ACOX1: variants seen among roughly 807,000 people sequenced by gnomAD.
ACOX1 encodes peroxisomal acyl-coenzyme A oxidase 1.
ACOX1 carries 41 observed loss-of-function variants against 75.5 expected under a neutral mutation model. That is an observed-to-expected ratio of 0.54 (90% CI 0.42 to 0.70). ACOX1 has a LOEUF of 0.70. Ranked by LOEUF, ACOX1 falls within the 30% of genes least tolerant of loss-of-function variation. The pLI is 0.00. For synonymous variants in ACOX1, 303 were observed against 298.8 expected (o/e 1.01, Z -0.15); for missense variants, 630 against 837.5 (o/e 0.75, Z 3.06).
At position 75,942,792 on chromosome 17, in the gene ACOX1, G is replaced by C. The variant is rs1266243267; in HGVS notation, c.*3956C>G. The C allele has an allele frequency of 6.6e-6, 1 of 152,276 alleles. No individual in the cohort carries two copies. Among genetic ancestry groups the C allele is most frequent in the East Asian group, 1.9e-4 (1 of 5,180 alleles). 9.4% of individuals were successfully genotyped at this position (152,276 alleles called of 1,614,324 possible). On this transcript the variant is annotated 3_prime_UTR_variant, in exon 14 of 14. Transcript: ENST00000293217. The stretch of plus-strand genomic sequence containing the variant: ...AATTCACTTCCTTTCTAATAAGATG[G>C]ATGGAATAACTCGGAAAAGGGAAAG...
rs759770041 is a variant in ACOX1, at chr17:75,955,593, T to C, written c.747A>G (p.Arg249=). ...YLKMDNHRIP[R]ENMLMKYAQV... ...GGGCATACTTCATCAGCATGTTTTCTCTGGGAATACGATGGTTGTCCATTT... is the reference window on the plus strand; with the variant it reads ...GGGCATACTTCATCAGCATGTTTTCCCTGGGAATACGATGGTTGTCCATTT... Residue 249 remains arginine, a synonymous_variant, in exon 6 of 14, where the codon AGA becomes AGG. Coordinates refer to ENST00000293217, the MANE Select transcript of ACOX1 (RefSeq NM_004035.7). 5 of 1,614,214 alleles carry C rather than the reference T, an allele frequency of 3.1e-6. No homozygotes were observed. The South Asian group carries it at 5.5e-5, about 18-fold the overall frequency.
At chr17:75,963,695 TAA>T (rs34482950) in intron 2 of ACOX1, among the ~76,000 whole-genome samples, 4 of 134,036 alleles carry the variant, frequency 3.0e-5, no homozygotes, top group African/African-American at 2.8e-5. Flanking sequence ...AGACTCTATC[TAA>T]AAAAAAAAAA....
chr17:75,958,202 A>T (rs1167128001), intron 3 of ACOX1, among the ~76,000 whole-genome samples: 2 of 149,966 alleles, frequency 1.3e-5, no homozygotes, highest in African/African-American at 5.0e-5. Context: ...AAATACAAAA[A>T]ATTAGCCAGG....
At position 75,945,314 on chromosome 17, in the gene ACOX1, G is replaced by A. The variant is rs886053446; in HGVS notation, c.*1434C>T. The A allele has an allele frequency of 4.6e-5, 7 of 152,002 alleles. No homozygotes were observed. Among genetic ancestry groups the A allele is most frequent in the Non-Finnish European group, 1.0e-4 (7 of 68,002 alleles). The allele number at this position is 152,002 out of a possible 1,614,324, so 9.4% of individuals were successfully genotyped here. A position where few individuals can be genotyped will look rare whatever the true frequency, so the allele number is the denominator to read the frequency against. On this transcript the variant is annotated 3_prime_UTR_variant, in exon 14 of 14. Transcript: ENST00000293217. ...ATAGACTCAAGTGAGATTAACACAGGGTTAATCTTCAATCTTAACACAATT... is the reference window on the plus strand; with the variant it reads ...ATAGACTCAAGTGAGATTAACACAGAGTTAATCTTCAATCTTAACACAATT...
intron 2 of ACOX1, among the ~76,000 whole-genome samples, chr17:75,971,675 G>A (rs902493327): frequency 5.3e-5 from 8 of 151,140 alleles, no homozygotes; most frequent in African/African-American, 2.0e-4. Flanking sequence ...CCAGGAGGTG[G>A]AGGTTGCAGT....
intron 3 of ACOX1, among the ~76,000 whole-genome samples, chr17:75,958,427 G>A (rs1467076412): frequency 4.2e-5 from 6 of 142,072 alleles, no homozygotes; most frequent in South Asian, 2.2e-4. Flanking sequence ...CCAGCACTTT[G>A]GGAGGCCGAG....
intron 2 of ACOX1, among the ~76,000 whole-genome samples, chr17:75,964,161 G>C (rs559526375): frequency 3.4e-5 from 5 of 147,616 alleles, no homozygotes; most frequent in Non-Finnish European, 7.4e-5. Context: ...TCTAGCCTGG[G>C]GGACAAGACT....
At chr17:75,959,239 G>A (rs951345930) in intron 3 of ACOX1, among the ~76,000 whole-genome samples, 1 of 152,172 alleles carries the variant, frequency 6.6e-6, no homozygotes, top group Non-Finnish European at 1.5e-5. Flanking sequence ...ACTTTCCCGA[G>A]TGGGAGTCAA....
intron 8 of ACOX1, 24 bp downstream of exon 8, chr17:75,951,391 G>T: frequency 6.2e-7 from 1 of 1,613,790 alleles, no homozygotes; most frequent in South Asian, 1.1e-5. Context: ...GGGTGCCCAT[G>T]AGTGAATGAG....
intron 4 of ACOX1, among the ~76,000 whole-genome samples, chr17:75,957,020 CCTCT>C (rs1192690298): frequency 3.1e-5 from 4 of 130,884 alleles, no homozygotes; most frequent in Non-Finnish European, 4.8e-5. Context: ...CACACACACA[CCTCT>C]CTCTGTCTAT....
At chr17:75,966,157 A>G (rs2065930191) in intron 2 of ACOX1, among the ~76,000 whole-genome samples, 2 of 150,698 alleles carry the variant, frequency 1.3e-5, no homozygotes, top group African/African-American at 4.9e-5. Flanking sequence ...ATAAATAAAA[A>G]TAATAAAATA....
At position 75,968,435 on chromosome 17, in the gene ACOX1, C is replaced by CAAAAAAAAAAAAAAAAAA. The variant is rs55909021; in HGVS notation, c.270-8078_270-8061dup. ...TGGGCGACAGAGCGAGACTCCGTCTCAAAAAAAAAAAAAAAAAAAAGTTAG... is the reference window on the plus strand; with the variant it reads ...TGGGCGACAGAGCGAGACTCCGTCTCAAAAAAAAAAAAAAAAAAAAAAAAAAAAAAAAAAAAAAGTTAG... On this transcript the variant is annotated intron_variant, in intron 2 of 13. Coordinates refer to ENST00000293217, the MANE Select transcript of ACOX1 (RefSeq NM_004035.7). 5.7e-3 allele frequency among the ~76,000 whole-genome samples: 120 copies of CAAAAAAAAAAAAAAAAAA among 20,940 alleles called. 1 individual carries two copies. Among genetic ancestry groups the CAAAAAAAAAAAAAAAAAA allele is most frequent in the Non-Finnish European group, 7.8e-3 (95 of 12,226 alleles). The allele number at this position is 20,940 out of a possible 152,430, so 13.7% of individuals were successfully genotyped here.
intron 2 of ACOX1, chr17:75,973,836 C>T (rs773906351): frequency 6.3e-7 from 1 of 1,596,222 alleles, no homozygotes; most frequent in Non-Finnish European, 8.6e-7. Flanking sequence ...AAACTGCATC[C>T]TACAACCCCT....
At chr17:75,965,395 A>G (rs2065922845) in intron 2 of ACOX1, among the ~76,000 whole-genome samples, 1 of 151,664 alleles carries the variant, frequency 6.6e-6, no homozygotes, top group African/African-American at 2.4e-5. Flanking sequence ...TGGGAAAAAA[A>G]GATAAAAATA....
intron 2 of ACOX1, among the ~76,000 whole-genome samples, chr17:75,961,049 C>G (rs937056899): frequency 6.6e-6 from 1 of 151,220 alleles, no homozygotes; most frequent in African/African-American, 2.4e-5. Flanking sequence ...TCTCAGCACT[C>G]TGAGAGGCCG....
rs540749308 is a variant in ACOX1 at position 75,950,728 on chromosome 17, A to T, written c.1298+46T>A. 3 of 1,586,970 alleles carry T rather than the reference A, an allele frequency of 1.9e-6. No homozygotes were observed. Among genetic ancestry groups the T allele is most frequent in the Non-Finnish European group, 2.6e-6 (3 of 1,156,058 alleles). Reference sequence around the variant, plus strand: ...AACAAGAACCTAGGAAAAGGACTAGAACATTCTTATGAACAGATGGGAGGA... The same window carrying T: ...AACAAGAACCTAGGAAAAGGACTAGTACATTCTTATGAACAGATGGGAGGA... On this transcript the variant is annotated intron_variant, in intron 9 of 13. Transcript: ENST00000293217. The surrounding 1 kb of genome is among the most constrained non-coding windows in gnomAD (Gnocchi z 4.3).
At chr17:75,965,253 G>A (rs1489960405) in intron 2 of ACOX1, among the ~76,000 whole-genome samples, 4 of 150,878 alleles carry the variant, frequency 2.7e-5, no homozygotes, top group Non-Finnish European at 4.4e-5. Context: ...CAGGAGAATG[G>A]CGTGAACCCA....
Position 75,978,867 on chromosome 17 carries a change from G to C in ACOX1, c.109+98C>G, listed in dbSNP as rs1330059470. The C allele has an allele frequency of 6.3e-7, 1 of 1,598,356 alleles. No homozygotes were observed. The highest frequency in any genetic ancestry group is 1.1e-5 in the South Asian group (1 of 90,820). ...GGGGGTCCCGGCTCCCCTAACGCTG[G>C]GCCAGAGGGCCTAGGCCCCACAGCG... is the stretch of plus-strand genomic sequence containing the variant. On this transcript the variant is annotated intron_variant, in intron 1 of 13. Coordinates refer to ENST00000293217, the MANE Select transcript of ACOX1 (RefSeq NM_004035.7). This position sits in a 1 kb window ranked among gnomAD's most constrained non-coding sequence, Gnocchi z 4.2.
chr17:75,952,203 G>C (rs996929054), intron 7 of ACOX1, among the ~76,000 whole-genome samples: 10 of 152,168 alleles, frequency 6.6e-5, no homozygotes, highest in South Asian at 4.1e-4. Context: ...CCACAATCTT[G>C]GAGAAGACCC....
Sources: allele counts gnomAD v4.1 joint callset (sites outside exome capture counted in the v4.1 genomes callset), GRCh38; gene constraint gnomAD v4.1.1; non-coding constraint Gnocchi (gnomAD v3.1); transcripts MANE v1.5; gene names NCBI Gene and HGNC (gene_info 2026-07-23, HGNC 2026-07-21).